The following NMD3 variants were observed in gnomAD, a reference collection of about 807,000 sequenced individuals.
NMD3 encodes the protein NMD3 ribosome export adaptor.
A neutral mutation model predicts 73.1 loss-of-function variants in NMD3; 47 were observed. That is an observed-to-expected ratio of 0.64 (90% CI 0.51 to 0.82). The LOEUF (loss-of-function observed/expected upper bound fraction) is 0.82. Among genes scored for constraint, NMD3 ranks in the 40% least tolerant of loss-of-function variants. The pLI, the probability that NMD3 is intolerant of heterozygous loss-of-function variation, is 0.00. For synonymous variants in NMD3, 210 were observed against 194.5 expected (o/e 1.08, Z -0.66); for missense variants, 554 against 612.5 (o/e 0.90, Z 1.01).
chr3:161,233,190 C>T (rs922069712), intron 4 of NMD3, among the ~76,000 whole-genome samples: 3 of 151,332 alleles, frequency 2.0e-5, no homozygotes, highest in African/African-American at 7.3e-5. Flanking sequence ...ATATCAGTTG[C>T]ATTAATATAG....
At chr3:161,244,936 G>A (rs1737140612) in intron 11 of NMD3, among the ~76,000 whole-genome samples, 1 of 151,898 alleles carries the variant, frequency 6.6e-6, no homozygotes, top group Non-Finnish European at 1.5e-5. Flanking sequence ...TTCAATGGGA[G>A]CCCCTTCAGA....
intron 11 of NMD3, among the ~76,000 whole-genome samples, chr3:161,243,752 A>G (rs1737083056): frequency 6.6e-6 from 1 of 152,222 alleles, no homozygotes; most frequent in Non-Finnish European, 1.5e-5. Context: ...TTTTCTTGCC[A>G]GAATATTTCA....
At chr3:161,247,958 A>G (rs1412935711) in intron 13 of NMD3, among the ~76,000 whole-genome samples, 3 of 150,886 alleles carry the variant, frequency 2.0e-5, no homozygotes, top group Admixed American at 2.0e-4. Context: ...AATGTTTAAA[A>G]CACGTTTTGT....
chr3:161,235,069 C>T (rs1025254336), intron 6 of NMD3, 53 bp from the exon 7 acceptor site: 5 of 971,490 alleles, frequency 5.1e-6, no homozygotes, highest in Non-Finnish European at 7.9e-6. Context: ...TGTCCTATAC[C>T]TATAAATGGC....
chr3:161,247,455 G>A, intron 13 of NMD3, 125 bp downstream of exon 13: 2 of 549,960 alleles, frequency 3.6e-6, no homozygotes, highest in East Asian at 3.0e-5. Context: ...TGAAACTGCA[G>A]ATAAGGTATA....
rs1198084987 is a variant in NMD3 at position 161,233,422 on chromosome 3, T to C, written c.300T>C (p.Phe100=). The part of the protein sequence containing the change: ...LSKVRLVDAG[F]VWTEPHSKRL... ...AGGTACGGCTTGTAGATGCAGGCTT[T>C]GTTTGGACTGAGCCTCATTCTAAGA... Residue 100 remains phenylalanine (F), a synonymous_variant, in exon 5 of 16, where the codon TTT becomes TTC. Coordinates refer to ENST00000351193, the MANE Select transcript of NMD3 (RefSeq NM_015938.5). 2 of 1,610,708 alleles carry C rather than the reference T, an allele frequency of 1.2e-6. No homozygotes were observed. The highest frequency in any genetic ancestry group is 2.7e-5 in the African/African-American group (2 of 74,840).
chr3:161,230,787 G>A (rs116277400), intron 4 of NMD3, among the ~76,000 whole-genome samples: 2,650 of 152,294 alleles, frequency 0.017, 50 homozygotes, highest in Non-Finnish European at 0.021. Flanking sequence ...GGAAGGTGTT[G>A]AGTGGGAGCT....
chr3:161,242,934 T>C (rs1011936455), intron 11 of NMD3, among the ~76,000 whole-genome samples: 3 of 152,196 alleles, frequency 2.0e-5, no homozygotes, highest in African/African-American at 7.2e-5. Context: ...TTGCTTTATT[T>C]TTATAGAGGA....
rs748443883 is a variant in NMD3 at position 161,221,988 on chromosome 3, T to TTTTTTTTTTTTTTTTTTTTTTTA, written c.-20-6_-20-5insTTTTTTTTTTTTTTTTTTTTTTA. The TTTTTTTTTTTTTTTTTTTTTTTA allele has an allele frequency of 8.4e-7, 1 of 1,187,232 alleles. No homozygotes were observed. The highest frequency in any genetic ancestry group is 1.7e-5 in the African/African-American group (1 of 57,202). 73.5% of individuals were successfully genotyped at this position (1,187,232 alleles called of 1,614,324 possible). On this transcript the variant is annotated splice_polypyrimidine_tract_variant and splice_region_variant and intron_variant, in intron 1 of 15. Coordinates refer to ENST00000351193, the MANE Select transcript of NMD3 (RefSeq NM_015938.5). ...TTTTTTTTTTTTTTTTTTTTTTTTT[T>TTTTTTTTTTTTTTTTTTTTTTTA]AAAAGAACTTAAGGCATACAGAACG... is the stretch of plus-strand genomic sequence containing the variant.
intron 4 of NMD3, among the ~76,000 whole-genome samples, chr3:161,231,985 T>G (rs557943157): frequency 6.6e-6 from 1 of 152,110 alleles, no homozygotes; most frequent in East Asian, 1.9e-4. Context: ...AGAAAGGGAC[T>G]AATAAAGTTG....
At chr3:161,235,333 A>G (rs1013800845) in intron 7 of NMD3, 121 bp downstream of exon 7, 10 of 184,242 alleles carry the variant, frequency 5.4e-5, no homozygotes, top group Non-Finnish European at 8.2e-5. Context: ...TTCTGTTAGG[A>G]AAAAAAAAAA....
chr3:161,237,603 G>A (rs1337028792), intron 7 of NMD3, among the ~76,000 whole-genome samples: 3 of 143,400 alleles, frequency 2.1e-5, no homozygotes, highest in South Asian at 2.2e-4. Flanking sequence ...GCAGTGTTGC[G>A]ATCTGGGCTC....
chr3:161,241,043 T>C lies in NMD3; in HGVS notation c.754-3T>C. ...CATTCTAAATGTTAGTTCTTATGCCTAGGATAATGTTGTCTGTCTGTCTCC... is the reference window on the plus strand; with the variant it reads ...CATTCTAAATGTTAGTTCTTATGCCCAGGATAATGTTGTCTGTCTGTCTCC... On this transcript the variant is annotated splice_polypyrimidine_tract_variant and splice_region_variant and intron_variant, in intron 9 of 15. Transcript: ENST00000351193. 2 of 1,583,112 alleles carry C rather than the reference T, an allele frequency of 1.3e-6. No individual in the cohort carries two copies. The highest frequency in any genetic ancestry group is 2.7e-5 in the African/African-American group (2 of 74,408).
Position 161,234,765 on chromosome 3 carries a change from G to A in NMD3, c.396G>A (p.Val132=). The A allele has an allele frequency of 6.2e-7, 1 of 1,612,714 alleles. No individual in the cohort carries two copies. Among genetic ancestry groups the A allele is most frequent in the Non-Finnish European group, 8.5e-7 (1 of 1,179,064 alleles). ...CTATCCTTCAACAAGTGTTTGTGGTGGATTATGTTGTTCAGTCCCAAATGT... is the reference window on the plus strand; with the variant it reads ...CTATCCTTCAACAAGTGTTTGTGGTAGATTATGTTGTTCAGTCCCAAATGT... ...NGAILQQVFV[V]DYVVQSQMCG... Residue 132 remains valine, a synonymous_variant, in exon 6 of 16, where the codon GTG becomes GTA. Transcript: ENST00000351193.
At chr3:161,244,844 G>A (rs142201248) in intron 11 of NMD3, among the ~76,000 whole-genome samples, 34 of 151,900 alleles carry the variant, frequency 2.2e-4, no homozygotes, top group Non-Finnish European at 4.1e-4. Flanking sequence ...TGTCTCAAAC[G>A]ATCCTACTGC....
chr3:161,235,913 A>G (rs555026954), intron 7 of NMD3, among the ~76,000 whole-genome samples: 103 of 152,172 alleles, frequency 6.8e-4, no homozygotes, highest in Admixed American at 1.0e-3. Flanking sequence ...CTCACCTTAG[A>G]CTAGCTACTT....
intron 13 of NMD3, among the ~76,000 whole-genome samples, chr3:161,248,074 T>G (rs1242149911): frequency 6.6e-6 from 1 of 152,034 alleles, no homozygotes; most frequent in Admixed American, 6.6e-5. Flanking sequence ...GTGTCACCTA[T>G]CATGCCTGGC....
At position 161,238,777 on chromosome 3, in the gene NMD3, C is replaced by G; in HGVS notation, c.704C>G (p.Thr235Arg). The change falls in exon 9 of 16, where the codon ACA becomes AGA. Residue 235 changes from threonine (T) to arginine (R), a missense_variant. By Grantham distance (71) the Thr-to-Arg change is moderately conservative. Transcript: ENST00000351193. ...ATCTCTCAAGATATCCATAGTAACA[C>G]ATACAATTACAAAAGCACTTTTTCT... ...RLISQDIHSN[T>R]YNYKSTFSVE... 6.3e-7 allele frequency: 1 copy of G among 1,578,408 alleles called. No individual in the cohort carries two copies. The highest frequency in any genetic ancestry group is 1.1e-5 in the South Asian group (1 of 87,600).
chr3:161,234,721 T>C lies in NMD3; in HGVS notation c.358-6T>C. 6 of 1,601,888 alleles carry C rather than the reference T, an allele frequency of 3.7e-6. No homozygotes were observed. Among genetic ancestry groups the C allele is most frequent in the Non-Finnish European group, 5.1e-6 (6 of 1,173,508 alleles). ...AAAGAATGAAGGAGTGTAATTGTTTTATCAGGTGATGAATGGTGCTATCCT... is the reference window on the plus strand; with the variant it reads ...AAAGAATGAAGGAGTGTAATTGTTTCATCAGGTGATGAATGGTGCTATCCT... On this transcript the variant is annotated splice_polypyrimidine_tract_variant and splice_region_variant and intron_variant, in intron 5 of 15. Coordinates refer to ENST00000351193, the MANE Select transcript of NMD3 (RefSeq NM_015938.5).
Sources: gnomAD v4.1 joint callset for allele counts (sites outside exome capture counted in the v4.1 genomes callset) on GRCh38, gnomAD v4.1.1 for gene constraint, MANE v1.5 for transcripts, NCBI Gene and HGNC (gene_info 2026-07-23, HGNC 2026-07-21) for gene names.